MYO1E: variants seen among roughly 807,000 people sequenced by gnomAD.
The protein encoded by MYO1E is myosin IE, also known as unconventional myosin-Ie.
A neutral mutation model predicts 151.1 loss-of-function variants in MYO1E; 68 were observed. The observed-to-expected ratio is 0.45, with a 90% confidence interval of 0.37 to 0.55. The LOEUF is 0.55. Ranked by LOEUF, MYO1E falls within the 20% of genes least tolerant of loss-of-function variation. MYO1E has a pLI of 0.00. For missense variants in MYO1E, 1,363 were observed against 1,389.3 expected (o/e 0.98, Z 0.30); for synonymous variants, 601 against 501.7 (o/e 1.20, Z -2.64).
At chr15:59,152,468 C>T (rs1467751243) in intron 26 of MYO1E, among the ~76,000 whole-genome samples, 2 of 152,130 alleles carry the variant, frequency 1.3e-5, no homozygotes, top group African/African-American at 2.4e-5. Flanking sequence ...CAGACAGAGC[C>T]ACTCCACCAT....
chr15:59,331,012 C>T (rs192513037), intron 1 of MYO1E, among the ~76,000 whole-genome samples: 6 of 152,270 alleles, frequency 3.9e-5, no homozygotes, highest in African/African-American at 1.4e-4. Context: ...TCAAGCAATC[C>T]TCCTGTGTCG....
chr15:59,202,638 C>A (rs2079809184), intron 15 of MYO1E, among the ~76,000 whole-genome samples: 1 of 152,194 alleles, frequency 6.6e-6, no homozygotes, highest in African/African-American at 2.4e-5. Context: ...GAATCAAAGA[C>A]TGCAAAATAA....
intron 1 of MYO1E, among the ~76,000 whole-genome samples, chr15:59,282,376 C>A (rs2080357820): frequency 6.6e-6 from 1 of 152,152 alleles, no homozygotes. Context: ...GTCAGTAGTC[C>A]CCAGGGTCAG....
chr15:59,325,251 G>C (rs2080656538), intron 1 of MYO1E, among the ~76,000 whole-genome samples: 1 of 152,108 alleles, frequency 6.6e-6, no homozygotes, highest in African/African-American at 2.4e-5. Flanking sequence ...GGCCAGGATG[G>C]TCTCCATCTC....
chr15:59,348,737 T>G (rs1158862088), intron 1 of MYO1E: 1 of 152,088 alleles, frequency 6.6e-6, no homozygotes, highest in African/African-American at 2.4e-5. Context: ...GTTCAAGTGA[T>G]TCTCCTGCCT....
chr15:59,337,050 T>C (rs1214609465), intron 1 of MYO1E, among the ~76,000 whole-genome samples: 1 of 152,202 alleles, frequency 6.6e-6, no homozygotes, highest in Non-Finnish European at 1.5e-5. Context: ...TATGCTTATA[T>C]AATACCTCCT....
In MYO1E at chr15:59,133,059, A is replaced by G. The variant is rs1301447297; in HGVS notation, c.*4321T>C. On this transcript the variant is annotated 3_prime_UTR_variant, in exon 28 of 28. Transcript: ENST00000288235. ...ACACAGTAGACCATCACATTACTAA[A>G]TATCTGTTGAATTGGAGAAAATGAT... is the stretch of plus-strand genomic sequence containing the variant. 6.6e-6 allele frequency: 1 copy of G among 152,244 alleles called. No homozygotes were observed. Among genetic ancestry groups the G allele is most frequent in the Admixed American group, 6.5e-5 (1 of 15,288 alleles). 9.4% of individuals were successfully genotyped at this position (152,244 alleles called of 1,614,324 possible). A position where few individuals can be genotyped will look rare whatever the true frequency, so the allele number is the denominator to read the frequency against.
chr15:59,244,917 T>C (rs1016773372), intron 4 of MYO1E, among the ~76,000 whole-genome samples: 12 of 152,318 alleles, frequency 7.9e-5, no homozygotes, highest in Middle Eastern at 6.8e-3. Context: ...TGGCTGATGA[T>C]AAAGGAATTT....
chr15:59,190,146 TG>T (rs1376309429), intron 17 of MYO1E, among the ~76,000 whole-genome samples: 1 of 152,206 alleles, frequency 6.6e-6, no homozygotes, highest in Non-Finnish European at 1.5e-5. Context: ...AAATTGGGCC[TG>T]GGCTGCGTGC....
At chr15:59,262,579 G>C (rs2080230667) in intron 2 of MYO1E, among the ~76,000 whole-genome samples, 1 of 152,132 alleles carries the variant, frequency 6.6e-6, no homozygotes, top group African/African-American at 2.4e-5. Flanking sequence ...AGTGAGCCCA[G>C]ATCAGAGGTT....
chr15:59,133,752 G>A lies in MYO1E; in HGVS notation c.*3628C>T, dbSNP rs1178935037. 1 of 152,170 alleles carries A rather than the reference G, an allele frequency of 6.6e-6. No homozygotes were observed. The highest frequency in any genetic ancestry group is 2.4e-5 in the African/African-American group (1 of 41,418). The allele number at this position is 152,170 out of a possible 1,614,324, so 9.4% of individuals were successfully genotyped here. The stretch of plus-strand genomic sequence containing the variant: ...TTCATGCTCTGCTCTTGATTGCCCT[G>A]GAAACCAGAATCCAGCCCTACTGCC... On this transcript the variant is annotated 3_prime_UTR_variant, in exon 28 of 28. Coordinates refer to ENST00000288235, the MANE Select transcript of MYO1E (RefSeq NM_004998.4).
intron 18 of MYO1E, 30 bp downstream of exon 18, chr15:59,188,088 T>C (rs754266198): frequency 6.6e-7 from 1 of 1,526,546 alleles, no homozygotes; most frequent in South Asian, 1.1e-5. Flanking sequence ...AAACCTGTTT[T>C]AAAAAAGGCC....
At chr15:59,343,817 C>T (rs575069335) in intron 1 of MYO1E, among the ~76,000 whole-genome samples, 2 of 152,080 alleles carry the variant, frequency 1.3e-5, no homozygotes, top group African/African-American at 2.4e-5. Flanking sequence ...TTCTTCAGTA[C>T]GTCAATTGCA....
chr15:59,191,332 C>G (rs866346814), intron 17 of MYO1E, among the ~76,000 whole-genome samples: 15 of 105,726 alleles, frequency 1.4e-4, no homozygotes, highest in East Asian at 4.7e-4. Flanking sequence ...CAGACAGAGA[C>G]AGAGAGAGAG....
intron 16 of MYO1E, among the ~76,000 whole-genome samples, chr15:59,198,835 A>AG (rs2079784015): frequency 6.7e-6 from 1 of 149,840 alleles, no homozygotes; most frequent in Non-Finnish European, 1.5e-5. Context: ...AAAAACAAAA[A>AG]AAAAACAAAC....
In MYO1E at chr15:59,135,635, C is replaced by G. The variant is rs2079367790; in HGVS notation, c.*1745G>C. 1 of 152,194 alleles carries G rather than the reference C, an allele frequency of 6.6e-6. No individual in the cohort carries two copies. Among genetic ancestry groups the G allele is most frequent in the Non-Finnish European group, 1.5e-5 (1 of 68,034 alleles). The allele number at this position is 152,194 out of a possible 1,614,324, so 9.4% of individuals were successfully genotyped here. A position where few individuals can be genotyped will look rare whatever the true frequency, so the allele number is the denominator to read the frequency against. On this transcript the variant is annotated 3_prime_UTR_variant, in exon 28 of 28. Coordinates refer to ENST00000288235, the MANE Select transcript of MYO1E (RefSeq NM_004998.4). ...TTACTGTTACAGAATGGAGTTTGCT[C>G]CCTGTTCTTGAAGTAAAACACAGCA...
chr15:59,324,670 C>CCCT (rs530400364), intron 1 of MYO1E, among the ~76,000 whole-genome samples: 1 of 151,584 alleles, frequency 6.6e-6, no homozygotes, highest in African/African-American at 2.4e-5. Context: ...CAAGCCCCCC[C>CCCT]CCCACAGAGG....
At chr15:59,270,789 G>C (rs1171127767) in intron 2 of MYO1E, 1 of 151,792 alleles carries the variant, frequency 6.6e-6, no homozygotes, top group African/African-American at 2.4e-5. Flanking sequence ...CCTTGTAACT[G>C]GGATTACAAG....
chr15:59,222,192 T>C (rs1432284726), intron 9 of MYO1E, among the ~76,000 whole-genome samples: 2 of 152,230 alleles, frequency 1.3e-5, no homozygotes, highest in Admixed American at 6.5e-5. Context: ...TTATTTGGAA[T>C]GGAAATATCC....
Sources: gnomAD v4.1 joint callset for allele counts (sites outside exome capture counted in the v4.1 genomes callset) on GRCh38, gnomAD v4.1.1 for gene constraint, MANE v1.5 for transcripts, NCBI Gene and HGNC (gene_info 2026-07-23, HGNC 2026-07-21) for gene names.